The following PTK7 variants were observed in gnomAD, a reference collection of about 807,000 sequenced individuals.
PTK7 encodes inactive tyrosine-protein kinase 7.
In PTK7, 39 loss-of-function variants were observed where a neutral mutation model predicts 116.6. The observed-to-expected ratio is 0.33, with a 90% CI of 0.26 to 0.44. The LOEUF (loss-of-function observed/expected upper bound fraction) is 0.44, where lower values mean the gene tolerates loss of function less well. Ranked by LOEUF, PTK7 falls within the 20% of genes least tolerant of loss-of-function variation. PTK7 has a pLI of 1.00. For missense variants in PTK7, 1,169 were observed against 1,425.6 expected (o/e 0.82, Z 2.90); for synonymous variants, 546 against 563.6 (o/e 0.97, Z 0.44).
Position 43,145,154 on chromosome 6 carries a change from C to G in PTK7, c.2408-46C>G, listed in dbSNP as rs374086422. ...GCCCCTCCCCCAGGTCAGGAGCTGCCTCGGCCTGGGTGAAGGTGGCTGGCT... is the reference window on the plus strand; with the variant it reads ...GCCCCTCCCCCAGGTCAGGAGCTGCGTCGGCCTGGGTGAAGGTGGCTGGCT... On this transcript the variant is annotated intron_variant, in intron 15 of 19. Coordinates refer to ENST00000230419, the MANE Select transcript of PTK7 (RefSeq NM_002821.5). The surrounding 1 kb of genome is among the most constrained non-coding windows in gnomAD (Gnocchi z 4.8). 6.5e-6 allele frequency: 10 copies of G among 1,537,304 alleles called. No homozygotes were observed. In the African/African-American group the frequency reaches 6.8e-5, roughly 11 times the overall value.
intron 1 of PTK7, among the ~76,000 whole-genome samples, chr6:43,098,563 C>T (rs1271186328): frequency 6.6e-6 from 1 of 151,956 alleles, no homozygotes; most frequent in Non-Finnish European, 1.5e-5. Context: ...GCCGTGTTGT[C>T]TAGGCTGGTC....
rs201362079 is a variant in PTK7, at chr6:43,142,107, G to A, written c.1919+26G>A. The A allele has an allele frequency of 1.3e-4, 214 of 1,611,390 alleles. No homozygotes were observed. The African/African-American group carries it at 2.2e-3, about 16-fold the overall frequency. On this transcript the variant is annotated intron_variant, in intron 12 of 19. Coordinates refer to ENST00000230419, the MANE Select transcript of PTK7 (RefSeq NM_002821.5). The stretch of plus-strand genomic sequence containing the variant: ...GTAGGGCCACCTCTCTCCCACACCC[G>A]TCCCTCCTCTCCTGCAGCCCCCCTC...
At chr6:43,095,749 A>G (rs968534142) in intron 1 of PTK7, among the ~76,000 whole-genome samples, 4 of 152,192 alleles carry the variant, frequency 2.6e-5, no homozygotes, top group Non-Finnish European at 4.4e-5. Flanking sequence ...AGAAAATTGC[A>G]GTGCTCTTTT....
chr6:43,146,624 C>G lies in PTK7; in HGVS notation c.2647C>G (p.Leu883Val), dbSNP rs1302599936. The change falls in exon 17 of 20, where the codon CTC (leucine) becomes GTC (valine). Residue 883 changes from leucine to valine, a missense_variant. Leu to Val is a conservative substitution (Grantham distance 32). Around this residue, in one of 3 missense-constraint regions of PTK7, gnomAD observed 678 missense variants for 853.8 expected, o/e 0.79. Coordinates refer to ENST00000230419, the MANE Select transcript of PTK7 (RefSeq NM_002821.5). ...MVLEYVDLGD[L>V]KQFLRISKSK... ...TGCCTGGCTTTTCCCTTAGGGAGAC[C>G]TCAAGCAGTTCCTGAGGATTTCCAA... 1.2e-6 allele frequency: 2 copies of G among 1,613,426 alleles called. No homozygotes were observed.
chr6:43,136,668 A>T (rs779663241), intron 7 of PTK7, among the ~76,000 whole-genome samples: 1 of 152,130 alleles, frequency 6.6e-6, no homozygotes, highest in Non-Finnish European at 1.5e-5. Flanking sequence ...GTTCTGTTGG[A>T]CAAGGGAAGT....
intron 17 of PTK7, 142 bp from the exon 18 acceptor site, chr6:43,158,674 GA>G: frequency 1.2e-6 from 1 of 852,680 alleles, no homozygotes; most frequent in Non-Finnish European, 1.8e-6. Flanking sequence ...CCATTTTACA[GA>G]GAAGGAAGCT....
Position 43,129,134 on chromosome 6 carries a change from C to A in PTK7, c.237C>A (p.Phe79Leu), listed in dbSNP as rs370691630. 6.2e-7 allele frequency: 1 copy of A among 1,614,198 alleles called. No individual in the cohort carries two copies. ...CTGTCCAGGACACGGAGCGGCGTTT[C>A]GCCCAGGGCAGCAGCCTGAGCTTTG... ...GAPVQDTERR[F>L]AQGSSLSFAA... Residue 79 changes from phenylalanine to leucine, a missense_variant, in exon 2 of 20, where the codon TTC (phenylalanine) becomes TTA (leucine). This residue lies in a region of PTK7 where 487 missense variants were observed against 549.8 expected (regional missense o/e 0.89). Coordinates refer to ENST00000230419, the MANE Select transcript of PTK7 (RefSeq NM_002821.5). The surrounding 1 kb of genome is among the most constrained non-coding windows in gnomAD (Gnocchi z 4.5).
intron 17 of PTK7, among the ~76,000 whole-genome samples, chr6:43,158,467 C>T (rs1771646945): frequency 6.6e-6 from 1 of 152,140 alleles, no homozygotes; most frequent in African/African-American, 2.4e-5. Flanking sequence ...GACCCTGTCA[C>T]TTGAAAATAA....
chr6:43,158,725 A>C, intron 17 of PTK7, 92 bp from the exon 18 acceptor site: 2 of 1,379,714 alleles, frequency 1.4e-6, no homozygotes, highest in South Asian at 1.3e-5. Flanking sequence ...CAGCACACCA[A>C]TAGTGTTGAA....
chr6:43,150,445 C>T (rs1245005702), intron 17 of PTK7, among the ~76,000 whole-genome samples: 2 of 152,276 alleles, frequency 1.3e-5, no homozygotes, highest in East Asian at 3.9e-4. Flanking sequence ...CCTTGCTTTC[C>T]GGAAGCACCA....
Position 43,144,531 on chromosome 6 carries a change from G to A in PTK7, c.2332G>A (p.Ala778Thr). Residue 778 changes from alanine to threonine, a missense_variant, in exon 15 of 20, where the codon GCC (alanine) becomes ACC (threonine). Around this residue, in one of 3 missense-constraint regions of PTK7, gnomAD observed 678 missense variants for 853.8 expected, o/e 0.79. Coordinates refer to ENST00000230419, the MANE Select transcript of PTK7 (RefSeq NM_002821.5). ...GACCAGCTTGGGCTCCGGCCCCGCG[G>A]CCACCAACAAACGCCACAGCACAAG... The part of the protein sequence containing the change: ...ALTSLGSGPA[A>T]TNKRHSTSDK... The A allele has an allele frequency of 6.2e-7, 1 of 1,614,192 alleles. No homozygotes were observed. Among genetic ancestry groups the A allele is most frequent in the Non-Finnish European group, 8.5e-7 (1 of 1,180,024 alleles).
chr6:43,078,005 G>A (rs1766152765), intron 1 of PTK7, among the ~76,000 whole-genome samples: 1 of 152,240 alleles, frequency 6.6e-6, no homozygotes, highest in Admixed American at 6.5e-5. Flanking sequence ...TGCACAGCCA[G>A]GATGGGGGCC....
rs568178029 is a variant in PTK7, at chr6:43,077,428, G to A, written c.79+861G>A. Reference sequence around the variant, plus strand: ...AAGAGCTCATTCTGGCTTTTCTTGGGGGGGGGCCTTAGCATTTTAACGAGG... The same window carrying A: ...AAGAGCTCATTCTGGCTTTTCTTGGAGGGGGGCCTTAGCATTTTAACGAGG... On this transcript the variant is annotated intron_variant, in intron 1 of 19. Transcript: ENST00000230419. Among the ~76,000 whole-genome samples, 9 of 152,242 alleles carry A rather than the reference G, an allele frequency of 5.9e-5. No individual in the cohort carries two copies. In the South Asian group the frequency reaches 6.2e-4, roughly 11 times the overall value.
At chr6:43,136,279 G>A (rs1214265847) in intron 7 of PTK7, among the ~76,000 whole-genome samples, 1 of 150,856 alleles carries the variant, frequency 6.6e-6, no homozygotes. Flanking sequence ...AGGTTGCAGT[G>A]AACAGAGATC....
intron 1 of PTK7, among the ~76,000 whole-genome samples, chr6:43,104,423 A>G (rs1767749256): frequency 1.3e-5 from 2 of 152,158 alleles, no homozygotes; most frequent in Admixed American, 1.3e-4. Flanking sequence ...TTATTTATTT[A>G]TTTATGAGAT....
chr6:43,077,801 G>A (rs1766141744), intron 1 of PTK7, among the ~76,000 whole-genome samples: 1 of 152,226 alleles, frequency 6.6e-6, no homozygotes, highest in African/African-American at 2.4e-5. Context: ...AGGGGTTTTG[G>A]TGCTGGTGGA....
At chr6:43,107,920 A>G (rs1422529305) in intron 1 of PTK7, among the ~76,000 whole-genome samples, 1 of 152,240 alleles carries the variant, frequency 6.6e-6, no homozygotes, top group East Asian at 1.9e-4. Context: ...AGTGGCGAAG[A>G]CAGAGTTGTA....
In PTK7 at chr6:43,076,483, G is replaced by T. The variant is rs749275790; in HGVS notation, c.-6G>T. 12 of 1,562,828 alleles carry T rather than the reference G, an allele frequency of 7.7e-6. No homozygotes were observed. The Admixed American group carries it at 1.3e-4, about 17-fold the overall frequency. Reference sequence around the variant, plus strand: ...GCCCTCAGCTCCTTTTCCTGAGCCCGCCGCGATGGGAGCTGCGCGGGGATC... The same window carrying T: ...GCCCTCAGCTCCTTTTCCTGAGCCCTCCGCGATGGGAGCTGCGCGGGGATC... On this transcript the variant is annotated 5_prime_UTR_variant, in exon 1 of 20. Coordinates refer to ENST00000230419, the MANE Select transcript of PTK7 (RefSeq NM_002821.5). The surrounding 1 kb of genome is among the most constrained non-coding windows in gnomAD (Gnocchi z 5.7).
chr6:43,094,216 A>T (rs1474969434), intron 1 of PTK7, among the ~76,000 whole-genome samples: 1 of 152,212 alleles, frequency 6.6e-6, no homozygotes, highest in African/African-American at 2.4e-5. Flanking sequence ...CCTGGAAAGT[A>T]GATAGGGCTT....
Sources: allele counts gnomAD v4.1 joint callset (sites outside exome capture counted in the v4.1 genomes callset), GRCh38; gene constraint gnomAD v4.1.1; regional missense constraint gnomAD v4.1.1; non-coding constraint Gnocchi (gnomAD v3.1); transcripts MANE v1.5; gene names NCBI Gene and HGNC (gene_info 2026-07-23, HGNC 2026-07-21).